Variants in ATP10B observed in about 807,000 individuals in gnomAD.
ATP10B encodes the protein phospholipid-transporting ATPase VB.
A neutral mutation model predicts 141.2 loss-of-function variants in ATP10B; 122 were observed. That is an observed-to-expected ratio of 0.86 (90% CI 0.75 to 1.00). The LOEUF is 1.00. Ranked by LOEUF, ATP10B falls within the 50% of genes least tolerant of loss-of-function variation. ATP10B has a pLI of 0.00. For missense variants in ATP10B, 1,876 were observed against 1,825.3 expected, an observed-to-expected ratio of 1.03 and a Z score of -0.51; for synonymous variants, 685 against 692.0, an observed-to-expected ratio of 0.99 and a Z score of 0.16.
At chr5:160,816,693 C>G (rs1323095588) in intron 1 of ATP10B, among the ~76,000 whole-genome samples, 1 of 151,950 alleles carries the variant, frequency 6.6e-6, no homozygotes, top group Non-Finnish European at 1.5e-5. Context: ...GACAGAGACA[C>G]AAGAAAAAAA....
Position 160,620,803 on chromosome 5 carries a change from TG to T in ATP10B, c.1959del (p.Asn654ThrfsTer85). On this transcript the variant is annotated frameshift_variant, in exon 15 of 26. Coordinates refer to ENST00000327245, the MANE Select transcript of ATP10B (RefSeq NM_025153.3). LOFTEE classifies it high-confidence loss of function. ...SDTDLGESLGANVATTDSDER... is the reference protein window; with the variant it reads ...SDTDLGESLGXNVATTDSDER... ...TCATCCGAGTCTGTGGTGGCCACGT[TG>T]GCCCCTAAGCTCTCCCCGAGGTCTG... is the stretch of plus-strand genomic sequence containing the variant. 1 of 1,614,200 alleles carries T rather than the reference TG, an allele frequency of 6.2e-7. No individual in the cohort carries two copies. Among genetic ancestry groups the T allele is most frequent in the Non-Finnish European group, 8.5e-7 (1 of 1,180,038 alleles).
At chr5:160,633,731 AGT>A (rs965306415) in intron 12 of ATP10B, 61 of 112,108 alleles carry the variant, frequency 5.4e-4, no homozygotes, top group South Asian at 2.8e-3. Context: ...TTTCTTAGAA[AGT>A]GTGTGTGTGT....
At chr5:160,613,553 T>C (rs1757841200) in intron 17 of ATP10B, among the ~76,000 whole-genome samples, 1 of 152,138 alleles carries the variant, frequency 6.6e-6, no homozygotes, top group Non-Finnish European at 1.5e-5. Flanking sequence ...CAGGATGAGA[T>C]TCAGAACTAA....
intron 2 of ATP10B, among the ~76,000 whole-genome samples, chr5:160,785,256 T>A (rs1333572277): frequency 1.3e-5 from 2 of 152,146 alleles, no homozygotes; most frequent in Admixed American, 1.3e-4. Context: ...TACTTTCTGT[T>A]ACTTGCAGCC....
chr5:160,668,066 A>G (rs1266592292), intron 7 of ATP10B, among the ~76,000 whole-genome samples: 2 of 152,080 alleles, frequency 1.3e-5, no homozygotes, highest in Non-Finnish European at 1.5e-5. Flanking sequence ...CCCTGTCTCT[A>G]CTAAAAATAC....
chr5:160,851,434 C>G (rs1368848708), intron 1 of ATP10B, among the ~76,000 whole-genome samples: 1 of 152,004 alleles, frequency 6.6e-6, no homozygotes, highest in African/African-American at 2.4e-5. Flanking sequence ...CTTTAAGCAA[C>G]AGTTTTCTCC....
intron 24 of ATP10B, among the ~76,000 whole-genome samples, chr5:160,573,132 C>T (rs929277495): frequency 2.0e-5 from 3 of 152,170 alleles, no homozygotes; most frequent in African/African-American, 7.2e-5. Context: ...TGATGTGGGG[C>T]CTTTTGAAGG....
chr5:160,644,077 T>G, intron 9 of ATP10B, 61 bp downstream of exon 9: 1 of 1,364,110 alleles, frequency 7.3e-7, no homozygotes, highest in Non-Finnish European at 1.0e-6. Context: ...TGACTGAAGA[T>G]GGATTTGGAG....
chr5:160,885,859 A>G, the ATP10B span, among the ~76,000 whole-genome samples: 1 of 152,182 alleles, frequency 6.6e-6, no homozygotes, highest in African/African-American at 2.4e-5. Flanking sequence ...TGCATTTCCT[A>G]CTTTGTGCTG....
intron 2 of ATP10B, among the ~76,000 whole-genome samples, chr5:160,724,675 AGTT>A (rs761083618): frequency 2.0e-5 from 3 of 152,070 alleles, no homozygotes; most frequent in Non-Finnish European, 4.4e-5. Flanking sequence ...ATGGCCTCCC[AGTT>A]GTTGTTAGGG....
At chr5:160,624,469 T>C (rs1264422568) in intron 13 of ATP10B, among the ~76,000 whole-genome samples, 1 of 152,224 alleles carries the variant, frequency 6.6e-6, no homozygotes, top group Non-Finnish European at 1.5e-5. Context: ...AAAAGTCTAC[T>C]TACCAGAAGC....
At chr5:160,849,590 G>A (rs1249558861) in intron 1 of ATP10B, among the ~76,000 whole-genome samples, 9 of 145,268 alleles carry the variant, frequency 6.2e-5, no homozygotes, top group Non-Finnish European at 9.1e-5. Context: ...TGCCTTCTGT[G>A]GGCCAATTAT....
chr5:160,790,893 G>GA (rs1771520616), intron 1 of ATP10B, among the ~76,000 whole-genome samples: 1 of 152,142 alleles, frequency 6.6e-6, no homozygotes, highest in African/African-American at 2.4e-5. Flanking sequence ...CCTTTAAGGT[G>GA]AAAGAGGCAG....
At chr5:160,867,510 G>A in the ATP10B span, among the ~76,000 whole-genome samples, 3 of 152,216 alleles carry the variant, frequency 2.0e-5, no homozygotes, top group East Asian at 5.8e-4. Context: ...TTGCCACATA[G>A]CAGAATGTCA....
intron 1 of ATP10B, among the ~76,000 whole-genome samples, chr5:160,800,872 G>A (rs1581557453): frequency 6.6e-6 from 1 of 152,188 alleles, no homozygotes; most frequent in African/African-American, 2.4e-5. Context: ...TACTCTTCCA[G>A]GAAGCTTTGA....
rs1235288158 is a variant in ATP10B at position 160,578,366 on chromosome 5, G to A, written c.3751-8683C>T. On this transcript the variant is annotated intron_variant, in intron 24 of 25. Transcript: ENST00000327245. ...CTAGCACCATCTGACAGGCCCAAGT[G>A]TGTGATGTTGCCCTCCCTGTGTCCA... Among the ~76,000 whole-genome samples, 4 of 152,090 alleles carry A rather than the reference G, an allele frequency of 2.6e-5. No individual in the cohort carries two copies. In the East Asian group the frequency reaches 7.7e-4, roughly 29 times the overall value.
intron 1 of ATP10B, among the ~76,000 whole-genome samples, chr5:160,795,241 A>G (rs1439963191): frequency 6.6e-6 from 1 of 152,242 alleles, no homozygotes; most frequent in Non-Finnish European, 1.5e-5. Flanking sequence ...TCTCAATTGC[A>G]AAATATCTTT....
In ATP10B at chr5:160,778,417, A is replaced by C. The variant is rs912905892; in HGVS notation, c.-331+7142T>G. Among the ~76,000 whole-genome samples the C allele has an allele frequency of 2.0e-5, 3 of 152,334 alleles. No individual in the cohort carries two copies. In the South Asian group the frequency reaches 6.2e-4, roughly 32 times the overall value. ...CAAAGTGAAAGGAAGAAGTTGTCCA[A>C]ACTCCTACTCATTCAGTATTTCTTC... On this transcript the variant is annotated intron_variant, in intron 2 of 25. Transcript: ENST00000327245.
chr5:160,651,738 G>A (rs1480727402), intron 7 of ATP10B, among the ~76,000 whole-genome samples: 1 of 152,042 alleles, frequency 6.6e-6, no homozygotes, highest in Admixed American at 6.6e-5. Context: ...ATTTGAGGGG[G>A]TGCCAACATA....
Sources: gnomAD v4.1 joint callset for allele counts (sites outside exome capture counted in the v4.1 genomes callset) on GRCh38, gnomAD v4.1.1 for gene constraint, MANE v1.5 for transcripts, NCBI Gene and HGNC (gene_info 2026-07-23, HGNC 2026-07-21) for gene names.